The following ZNF277 variants were observed in gnomAD, a reference collection of about 807,000 sequenced individuals.
ZNF277 encodes zinc finger protein 277, also known as nuclear receptor-interacting factor 4.
ZNF277 carries 55 observed loss-of-function variants against 60.7 expected under a neutral mutation model. The ratio of observed to expected loss-of-function variants is 0.91; its 90% CI spans 0.73 to 1.13. The LOEUF (loss-of-function observed/expected upper bound fraction) is 1.13, where lower values mean the gene tolerates loss of function less well. ZNF277 is among the 50% of genes most tolerant of loss of function. The pLI is 0.00. For synonymous variants in ZNF277, 178 were observed against 179.3 expected (o/e 0.99, Z 0.06); for missense variants, 510 against 523.0 (o/e 0.98, Z 0.24).
At chr7:112,294,970 A>G (rs73197338) in intron 2 of ZNF277, among the ~76,000 whole-genome samples, 7,798 of 152,142 alleles carry the variant, frequency 0.051, 277 homozygotes, top group Admixed American at 0.12. Context: ...TACTCTTTCT[A>G]TATTCTTCAT....
intron 1 of ZNF277, among the ~76,000 whole-genome samples, chr7:112,256,452 AAGAG>A (rs1402273328): frequency 7.4e-6 from 1 of 134,850 alleles, no homozygotes; most frequent in African/African-American, 2.8e-5. Context: ...TTTTTTGAGA[AAGAG>A]TCTCACTCTG....
At chr7:112,309,132 T>C (rs981807922) in intron 4 of ZNF277, among the ~76,000 whole-genome samples, 2 of 151,992 alleles carry the variant, frequency 1.3e-5, no homozygotes, top group South Asian at 2.1e-4. Context: ...GCTTCTGCTC[T>C]TCCAAGGTGC....
chr7:112,288,348 C>T (rs532460054), intron 2 of ZNF277: 1 of 152,186 alleles, frequency 6.6e-6, no homozygotes, highest in African/African-American at 2.4e-5. Flanking sequence ...ACATTGAATA[C>T]CCCTGCATCT....
At chr7:112,305,815 T>G (rs1386087962) in intron 4 of ZNF277, among the ~76,000 whole-genome samples, 1 of 152,092 alleles carries the variant, frequency 6.6e-6, no homozygotes, top group Non-Finnish European at 1.5e-5. Context: ...TGATGTCAGT[T>G]CCTCAAAGGA....
chr7:112,299,149 A>G (rs1341752164), intron 4 of ZNF277, among the ~76,000 whole-genome samples: 2 of 152,206 alleles, frequency 1.3e-5, no homozygotes, highest in Non-Finnish European at 2.9e-5. Context: ...CAGCCAGTTC[A>G]TCACAATTTT....
At chr7:112,244,436 G>A (rs1192568845) in intron 1 of ZNF277, among the ~76,000 whole-genome samples, 1 of 152,040 alleles carries the variant, frequency 6.6e-6, no homozygotes, top group Non-Finnish European at 1.5e-5. Context: ...CTGCTTATGT[G>A]ACCTATTGAG....
intron 1 of ZNF277, among the ~76,000 whole-genome samples, chr7:112,249,038 C>T (rs1266717045): frequency 2.6e-5 from 4 of 152,168 alleles, no homozygotes; most frequent in African/African-American, 4.8e-5. Context: ...GTACTGTTAA[C>T]TCCAAATTCT....
intron 5 of ZNF277, among the ~76,000 whole-genome samples, chr7:112,325,127 C>A (rs921235510): frequency 2.6e-5 from 4 of 152,136 alleles, no homozygotes; most frequent in Non-Finnish European, 5.9e-5. Flanking sequence ...AATAAACTAC[C>A]ATAATATTGG....
At chr7:112,239,719 A>AC (rs1300497726) in intron 1 of ZNF277, among the ~76,000 whole-genome samples, 1 of 152,226 alleles carries the variant, frequency 6.6e-6, no homozygotes, top group African/African-American at 2.4e-5. Flanking sequence ...GAACTATAAG[A>AC]AATCATCTGA....
At chr7:112,318,298 G>A in intron 5 of ZNF277, 25 bp downstream of exon 5, 1 of 1,590,844 alleles carries the variant, frequency 6.3e-7, no homozygotes, top group Non-Finnish European at 8.6e-7. Flanking sequence ...ATCTTTAAAT[G>A]TTACTGTTTT....
At position 112,310,454 on chromosome 7, in the gene ZNF277, T is replaced by TGAGA. The variant is rs377447375; in HGVS notation, c.466-7706_466-7703dup. Among the ~76,000 whole-genome samples, 24 of 117,290 alleles carry TGAGA rather than the reference T, an allele frequency of 2.0e-4. 1 individual carries two copies. Among genetic ancestry groups the TGAGA allele is most frequent in the South Asian group, 1.4e-3 (5 of 3,666 alleles). 76.9% of individuals were successfully genotyped at this position (117,290 alleles called of 152,430 possible). ...TTAGGGCCTACCTTTAGGTTAGGTT[T>TGAGA]GAGAGAGAGAGAGAGAGAGAGAGAG... On this transcript the variant is annotated intron_variant, in intron 4 of 11. Transcript: ENST00000361822.
chr7:112,254,532 C>T (rs1791266236), intron 1 of ZNF277, among the ~76,000 whole-genome samples: 1 of 152,076 alleles, frequency 6.6e-6, no homozygotes, highest in Non-Finnish European at 1.5e-5. Flanking sequence ...TTTTTTATGG[C>T]CTCTAAGTTT....
chr7:112,208,350 G>T (rs1821631661), intron 1 of ZNF277, among the ~76,000 whole-genome samples: 1 of 152,100 alleles, frequency 6.6e-6, no homozygotes, highest in South Asian at 2.1e-4. Context: ...CTCCAGCCTG[G>T]GAGGCAGAGC....
At chr7:112,293,410 C>A (rs1792252051) in intron 2 of ZNF277, among the ~76,000 whole-genome samples, 1 of 151,788 alleles carries the variant, frequency 6.6e-6, no homozygotes, top group Admixed American at 6.6e-5. Context: ...AACCCCATCT[C>A]TACAAAAAAA....
At chr7:112,321,435 A>G (rs765857122) in intron 5 of ZNF277, among the ~76,000 whole-genome samples, 3 of 152,068 alleles carry the variant, frequency 2.0e-5, no homozygotes, top group Non-Finnish European at 4.4e-5. Flanking sequence ...TTATCAGCTC[A>G]TGAACATGTT....
At chr7:112,251,093 C>G (rs1270921612) in intron 1 of ZNF277, among the ~76,000 whole-genome samples, 4 of 152,154 alleles carry the variant, frequency 2.6e-5, no homozygotes, top group Non-Finnish European at 5.9e-5. Context: ...TTCCTCTCTT[C>G]CAATCATATA....
At chr7:112,230,510 G>A (rs1822295429) in intron 1 of ZNF277, among the ~76,000 whole-genome samples, 1 of 152,200 alleles carries the variant, frequency 6.6e-6, no homozygotes, top group Non-Finnish European at 1.5e-5. Flanking sequence ...AGAGATAACT[G>A]AGGATTTTAT....
chr7:112,233,486 G>A (rs746183302), intron 1 of ZNF277, among the ~76,000 whole-genome samples: 6 of 152,160 alleles, frequency 3.9e-5, no homozygotes, highest in Non-Finnish European at 8.8e-5. Context: ...AAGTGAATTA[G>A]AAAGCAAAAG....
chr7:112,220,951 C>G (rs1234153399), intron 1 of ZNF277, among the ~76,000 whole-genome samples: 1 of 152,126 alleles, frequency 6.6e-6, no homozygotes, highest in African/African-American at 2.4e-5. Context: ...TCCGTTTTCA[C>G]TCTATTAAAC....
Sources: allele counts gnomAD v4.1 joint callset (sites outside exome capture counted in the v4.1 genomes callset), GRCh38; gene constraint gnomAD v4.1.1; transcripts MANE v1.5; gene names NCBI Gene and HGNC (gene_info 2026-07-23, HGNC 2026-07-21).